The following KIAA0513 variants were observed in gnomAD, a reference collection of about 807,000 sequenced individuals.
KIAA0513 encodes uncharacterized protein KIAA0513.
KIAA0513 carries 39 observed loss-of-function variants against 56.5 expected under a neutral mutation model. That is an observed-to-expected ratio of 0.69 (90% CI 0.53 to 0.90). The LOEUF is 0.90. Ranked by LOEUF, KIAA0513 falls within the 40% of genes least tolerant of loss-of-function variation. The pLI, the probability that KIAA0513 is intolerant of heterozygous loss-of-function variation, is 0.00. For missense variants in KIAA0513, 591 were observed against 535.2 expected, an observed-to-expected ratio of 1.10 and a Z score of -1.03; for synonymous variants, 268 against 215.6, an observed-to-expected ratio of 1.24 and a Z score of -2.13.
chr16:85,032,675 G>T (rs2072981499), intron 1 of KIAA0513, among the ~76,000 whole-genome samples: 1 of 151,904 alleles, frequency 6.6e-6, no homozygotes, highest in South Asian at 2.1e-4. Context: ...CTGTCGTCCA[G>T]GCTGGAGTGC....
At chr16:85,066,858 T>G in intron 1 of KIAA0513, 42 bp from the exon 2 acceptor site, 1 of 472,804 alleles carries the variant, frequency 2.1e-6, no homozygotes, top group Admixed American at 3.8e-5. Context: ...GGGATTCTGG[T>G]GAGGAGTGGC....
At chr16:85,030,238 T>C (rs746541187) in intron 1 of KIAA0513, among the ~76,000 whole-genome samples, 1 of 152,126 alleles carries the variant, frequency 6.6e-6, no homozygotes, top group Non-Finnish European at 1.5e-5. Context: ...TGCTTAAGTC[T>C]CTGTGTTTCC....
intron 1 of KIAA0513, among the ~76,000 whole-genome samples, chr16:85,056,171 C>T (rs1011126937): frequency 9.9e-5 from 15 of 152,230 alleles, no homozygotes; most frequent in African/African-American, 3.4e-4. Flanking sequence ...TTGCGATGGA[C>T]GGCACGACGG....
chr16:85,065,952 G>A (rs541227956), intron 1 of KIAA0513, among the ~76,000 whole-genome samples: 9 of 152,152 alleles, frequency 5.9e-5, no homozygotes, highest in African/African-American at 2.2e-4. Context: ...CTGTTCCTTC[G>A]TTCAGCAAGC....
intron 1 of KIAA0513, among the ~76,000 whole-genome samples, chr16:85,058,307 G>A (rs1039777618): frequency 2.0e-5 from 3 of 152,140 alleles, no homozygotes; most frequent in African/African-American, 7.2e-5. Flanking sequence ...ACAAATACCT[G>A]TACCAAATTG....
In KIAA0513 at chr16:85,081,120, G is replaced by C. The variant is rs929846162; in HGVS notation, c.903-195G>C. ...CTCTCCTAAGAGATACGCAGCCGCT[G>C]GGAGCCCCAGGGAAACAGCTGTAAT... On this transcript the variant is annotated intron_variant, in intron 8 of 12. Transcript: ENST00000683363. This position sits in a 1 kb window ranked among gnomAD's most constrained non-coding sequence, Gnocchi z 4.4. Among the ~76,000 whole-genome samples the C allele has an allele frequency of 6.6e-6, 1 of 152,224 alleles. No homozygotes were observed. The highest frequency in any genetic ancestry group is 6.5e-5 in the Admixed American group (1 of 15,288).
At chr16:85,051,920 C>T (rs2073258056) in intron 1 of KIAA0513, among the ~76,000 whole-genome samples, 1 of 151,790 alleles carries the variant, frequency 6.6e-6, no homozygotes, top group Non-Finnish European at 1.5e-5. Flanking sequence ...TCCCAAAGTG[C>T]TGGGATTACA....
chr16:85,068,340 G>GT (rs564228214), intron 2 of KIAA0513, among the ~76,000 whole-genome samples: 5,094 of 132,748 alleles, frequency 0.038, 247 homozygotes, highest in African/African-American at 0.12. Flanking sequence ...TATTTTTTTT[G>GT]TTTTTTTTTT....
At position 85,091,744 on chromosome 16, in the gene KIAA0513, C is replaced by A. The variant is rs2073869756; in HGVS notation, c.*3419C>A. On this transcript the variant is annotated 3_prime_UTR_variant, in exon 13 of 13. Transcript: ENST00000683363. ...AAGAAGGCTGGAGCTGTGAGATTCG[C>A]TTTTCCCTAGGCTGTTCCGCGTGGG... is the stretch of plus-strand genomic sequence containing the variant. 1 of 152,188 alleles carries A rather than the reference C, an allele frequency of 6.6e-6. No homozygotes were observed. Among genetic ancestry groups the A allele is most frequent in the African/African-American group, 2.4e-5 (1 of 41,432 alleles). 9.4% of individuals were successfully genotyped at this position (152,188 alleles called of 1,614,324 possible).
intron 10 of KIAA0513, among the ~76,000 whole-genome samples, chr16:85,086,296 A>T (rs1033362151): frequency 6.6e-6 from 1 of 152,042 alleles, no homozygotes; most frequent in African/African-American, 2.4e-5. Flanking sequence ...CCCAGACCCC[A>T]CTCTCCAACC....
chr16:85,044,595 C>G (rs1249826869), intron 1 of KIAA0513, among the ~76,000 whole-genome samples: 1 of 151,886 alleles, frequency 6.6e-6, no homozygotes, highest in African/African-American at 2.4e-5. Context: ...CAACCTCTGC[C>G]TCCCAGGCTC....
intron 2 of KIAA0513, among the ~76,000 whole-genome samples, chr16:85,069,693 G>C (rs774231297): frequency 2.6e-5 from 4 of 152,120 alleles, no homozygotes; most frequent in South Asian, 2.1e-4. Flanking sequence ...CTGCTGTGTC[G>C]TGTGTGGGCC....
In KIAA0513 at chr16:85,091,576, G is replaced by A. The variant is rs1444912266; in HGVS notation, c.*3251G>A. The A allele has an allele frequency of 6.6e-6, 1 of 152,190 alleles. No individual in the cohort carries two copies. Among genetic ancestry groups the A allele is most frequent in the Non-Finnish European group, 1.5e-5 (1 of 68,038 alleles). 9.4% of individuals were successfully genotyped at this position (152,190 alleles called of 1,614,324 possible). ...GGTTAATCCAAGCAACACGCATTGG[G>A]TTTAAAACCAGCACCGAGGCCCAGT... On this transcript the variant is annotated 3_prime_UTR_variant, in exon 13 of 13. Transcript: ENST00000683363.
rs1435943212 is a variant in KIAA0513, at chr16:85,088,442, TC to T, written c.*119del. On this transcript the variant is annotated 3_prime_UTR_variant, in exon 13 of 13. Coordinates refer to ENST00000683363, the MANE Select transcript of KIAA0513 (RefSeq NM_001388359.1). ...TGAAGCCAGCAGCACCCAGAGCCAC[TC>T]CTGCTGCCCTAGAACTAGCGGTTAG... 13 of 805,254 alleles carry T rather than the reference TC, an allele frequency of 1.6e-5. No homozygotes were observed. Among genetic ancestry groups the T allele is most frequent in the Non-Finnish European group, 2.5e-5 (12 of 480,400 alleles). 49.9% of individuals were successfully genotyped at this position (805,254 alleles called of 1,614,324 possible).
intron 10 of KIAA0513, among the ~76,000 whole-genome samples, chr16:85,083,989 G>C (rs973147099): frequency 5.9e-5 from 9 of 151,846 alleles, no homozygotes; most frequent in Admixed American, 3.3e-4. Flanking sequence ...CTGTAGCGGT[G>C]TAGATGCATG....
At chr16:85,048,089 A>G (rs1477136325) in intron 1 of KIAA0513, among the ~76,000 whole-genome samples, 1 of 152,232 alleles carries the variant, frequency 6.6e-6, no homozygotes. Flanking sequence ...GATTACAAAC[A>G]GAAATGAGGA....
chr16:85,040,282 C>T (rs1014114073), intron 1 of KIAA0513, among the ~76,000 whole-genome samples: 2 of 152,168 alleles, frequency 1.3e-5, no homozygotes, highest in African/African-American at 4.8e-5. Context: ...GAGTGGAGGC[C>T]AGGAGTGCCC....
chr16:85,037,697 C>A (rs2073053135), intron 1 of KIAA0513, among the ~76,000 whole-genome samples: 1 of 152,046 alleles, frequency 6.6e-6, no homozygotes, highest in Non-Finnish European at 1.5e-5. Context: ...ATCCCAAGGC[C>A]CAATTTGGAT....
rs372567098 is a variant in KIAA0513 at position 85,067,324 on chromosome 16, G to A, written c.253G>A (p.Glu85Lys). The change falls in exon 2 of 13, where the codon GAG becomes AAG. Residue 85 changes from glutamate (E) to lysine (K), a missense_variant. Glu to Lys is a moderately conservative substitution (Grantham distance 56). Transcript: ENST00000683363. ...NESFSSNQST[E>K]STQDEETLAL... ...GTCCTTCTCCTCCAACCAGAGCACC[G>A]AGTCTACCCAGGATGAAGAGACCCT... is the stretch of plus-strand genomic sequence containing the variant. The A allele has an allele frequency of 2.2e-5, 36 of 1,610,846 alleles. No homozygotes were observed. In the African/African-American group the frequency reaches 3.5e-4, roughly 16 times the overall value.
Sources: gnomAD v4.1 joint callset for allele counts (sites outside exome capture counted in the v4.1 genomes callset) on GRCh38, gnomAD v4.1.1 for gene constraint, Gnocchi (gnomAD v3.1) non-coding constraint, MANE v1.5 for transcripts, NCBI Gene and HGNC (gene_info 2026-07-23, HGNC 2026-07-21) for gene names.